The following AR variants were observed in gnomAD, a reference collection of about 807,000 sequenced individuals.
The protein encoded by AR is androgen receptor, also known as dihydrotestosterone receptor.
Under a neutral mutation model 53.9 loss-of-function variants are expected in AR, and 8 were observed. The observed-to-expected ratio is 0.15, with a 90% confidence interval of 0.09 to 0.27. The LOEUF (loss-of-function observed/expected upper bound fraction) is 0.27, where lower values mean the gene tolerates loss of function less well. AR is among the 10% of genes least tolerant of loss of function. The pLI is 1.00. For synonymous variants in AR, 359 were observed against 316.4 expected, an observed-to-expected ratio of 1.13 and a Z score of -1.43; for missense variants, 639 against 742.5, an observed-to-expected ratio of 0.86 and a Z score of 1.62.
intron 2 of AR, among the ~76,000 whole-genome samples, chrX:67,665,107 C>A (rs969538386): frequency 8.9e-6 from 1 of 112,848 alleles, no homozygotes; most frequent in African/African-American, 3.2e-5. Flanking sequence ...ATGCTCGGTG[C>A]GCTGCACCCA....
At chrX:67,679,213 A>G (rs1261884031) in intron 2 of AR, among the ~76,000 whole-genome samples, 2 of 111,347 alleles carry the variant, frequency 1.8e-5, no homozygotes, top group African/African-American at 6.5e-5. Flanking sequence ...TAAGGCCTTA[A>G]GTATTAAAGT....
Position 67,600,499 on chromosome X carries a change from T to G in AR, c.1617-42757T>G, listed in dbSNP as rs1049798796. Among the ~76,000 whole-genome samples, 3 of 110,367 alleles carry G rather than the reference T, an allele frequency of 2.7e-5. No homozygotes were observed. In the Admixed American group the frequency reaches 2.9e-4, roughly 11 times the overall value. On this transcript the variant is annotated intron_variant, in intron 1 of 7. Coordinates refer to ENST00000374690, the MANE Select transcript of AR (RefSeq NM_000044.6). ...TGTGGAATCTAAAAATCAAAACAAT[T>G]GAACTAATGGATATAGAAAGTAGAA... is the stretch of plus-strand genomic sequence containing the variant.
chrX:67,558,136 G>A (rs899789875), intron 1 of AR, among the ~76,000 whole-genome samples: 2 of 112,100 alleles, frequency 1.8e-5, no homozygotes, highest in Admixed American at 1.9e-4. Context: ...TAGTGCCTGA[G>A]CCTAGTCAGA....
rs2147540765 is a variant in AR at position 67,723,809 on chromosome X, A to G, written c.2731A>G (p.Lys911Glu). 1 of 1,210,693 alleles carries G rather than the reference A, an allele frequency of 8.3e-7. No individual in the cohort carries two copies. Among genetic ancestry groups the G allele is most frequent in the Non-Finnish European group, 1.1e-6 (1 of 895,340 alleles). The change falls in exon 8 of 8, where the codon AAA becomes GAA. Residue 911 changes from lysine (K) to glutamate (E), a missense_variant. Lys to Glu is a moderately conservative substitution (Grantham distance 56). Around this residue, in one of 5 missense-constraint regions of AR, gnomAD observed 95 missense variants for 196.4 expected, o/e 0.48. Transcript: ENST00000374690. ...GCAAGTGCCCAAGATCCTTTCTGGG[A>G]AAGTCAAGCCCATCTATTTCCACAC... Reference protein sequence around the residue: ...SVQVPKILSGKVKPIYFHTQ With the variant: ...SVQVPKILSGEVKPIYFHTQ
intron 2 of AR, among the ~76,000 whole-genome samples, chrX:67,660,064 T>C (rs1926804528): frequency 1.8e-5 from 2 of 112,218 alleles, no homozygotes; most frequent in Admixed American, 1.9e-4. Context: ...TAGGGTTGTT[T>C]GTTTTTTTCT....
chrX:67,625,687 A>G (rs1453754468), intron 1 of AR, among the ~76,000 whole-genome samples: 1 of 111,792 alleles, frequency 8.9e-6, no homozygotes, highest in Non-Finnish European at 1.9e-5. Flanking sequence ...TGTACTGGAA[A>G]AATTGGATAT....
chrX:67,558,167 G>A (rs1236821914), intron 1 of AR, among the ~76,000 whole-genome samples: 2 of 111,905 alleles, frequency 1.8e-5, no homozygotes, highest in Non-Finnish European at 3.8e-5. Context: ...AGGGTTAGTC[G>A]TATGTTGTTT....
intron 2 of AR, among the ~76,000 whole-genome samples, chrX:67,673,062 T>C (rs2075876012): frequency 9.2e-6 from 1 of 108,279 alleles, no homozygotes; most frequent in Non-Finnish European, 1.9e-5. Flanking sequence ...TTTTTTTTCT[T>C]CAGCCCTTCA....
chrX:67,620,636 T>C (rs1924328158), intron 1 of AR, among the ~76,000 whole-genome samples: 1 of 111,545 alleles, frequency 9.0e-6, no homozygotes, highest in Admixed American at 9.6e-5. Context: ...TGATCAATAA[T>C]AGTGAGATTC....
In AR at chrX:67,546,318, A is replaced by G. The variant is rs1929736617; in HGVS notation, c.1172A>G (p.Asn391Ser). ...CCCCACGCTCGCATCAAGCTGGAGA[A>G]CCCGCTGGACTACGGCAGCGCCTGG... Reference protein sequence around the residue: ...PHPHARIKLENPLDYGSAWAA... With the variant: ...PHPHARIKLESPLDYGSAWAA... Residue 391 changes from asparagine (N) to serine (S), a missense_variant, in exon 1 of 8, where the codon AAC (asparagine) becomes AGC (serine). Physicochemically the swap from Asn to Ser is conservative, Grantham distance 46. Coordinates refer to ENST00000374690, the MANE Select transcript of AR (RefSeq NM_000044.6). 8.3e-7 allele frequency: 1 copy of G among 1,197,840 alleles called. No individual in the cohort carries two copies. The highest frequency in any genetic ancestry group is 1.7e-5 in the African/African-American group (1 of 57,571).
intron 3 of AR, among the ~76,000 whole-genome samples, chrX:67,703,534 G>A (rs2076051572): frequency 1.8e-5 from 2 of 111,600 alleles, no homozygotes; most frequent in African/African-American, 3.3e-5. Flanking sequence ...GATGGCAGAG[G>A]CAGAAAGATT....
intron 1 of AR, among the ~76,000 whole-genome samples, chrX:67,570,536 A>G (rs921165321): frequency 9.0e-6 from 1 of 111,687 alleles, no homozygotes; most frequent in African/African-American, 3.3e-5. Context: ...TGGTTAGATG[A>G]TAAATCTTTT....
Position 67,544,777 on chromosome X carries a change from G to C in AR, c.-370G>C. On this transcript the variant is annotated 5_prime_UTR_variant, in exon 1 of 8. Transcript: ENST00000374690. ...CAAAAACAAAAAAGCCGAAATAAAA[G>C]AAAAAGATAATAACTCAGTTCTTAT... 1 of 192,871 alleles carries C rather than the reference G, an allele frequency of 5.2e-6. No individual in the cohort carries two copies. The highest frequency in any genetic ancestry group is 9.6e-6 in the Non-Finnish European group (1 of 103,868). The allele number at this position is 192,871 out of a possible 1,213,427, so 15.9% of individuals were successfully genotyped here.
intron 1 of AR, among the ~76,000 whole-genome samples, chrX:67,610,867 G>T (rs1923850266): frequency 1.8e-5 from 2 of 111,400 alleles, no homozygotes; most frequent in African/African-American, 6.5e-5. Flanking sequence ...TCTGGAGCCA[G>T]ACTACTTTGG....
At chrX:67,705,702 G>C (rs1384198680) in intron 3 of AR, among the ~76,000 whole-genome samples, 1 of 111,696 alleles carries the variant, frequency 9.0e-6, no homozygotes, top group Non-Finnish European at 1.9e-5. Flanking sequence ...AATGGTGAGA[G>C]AGGGCATCCC....
intron 2 of AR, among the ~76,000 whole-genome samples, chrX:67,653,607 C>G (rs1050054069): frequency 9.0e-6 from 1 of 111,512 alleles, no homozygotes; most frequent in East Asian, 2.8e-4. Context: ...TGGGGAATCT[C>G]ATCAGATGCA....
At chrX:67,589,275 A>G (rs965174412) in intron 1 of AR, among the ~76,000 whole-genome samples, 1 of 111,419 alleles carries the variant, frequency 9.0e-6, no homozygotes, top group Non-Finnish European at 1.9e-5. Context: ...GTCTCAAAAA[A>G]AAAAAAAAAA....
chrX:67,670,032 T>A (rs999531922), intron 2 of AR, among the ~76,000 whole-genome samples: 11 of 98,593 alleles, frequency 1.1e-4, no homozygotes, highest in Non-Finnish European at 2.0e-4. Context: ...TATTATTTTT[T>A]AAAAAATTTC....
At chrX:67,689,904 A>T (rs1293730449) in intron 3 of AR, 1 of 186,024 alleles carries the variant, frequency 5.4e-6, no homozygotes, top group South Asian at 2.5e-4. Flanking sequence ...TGTTTCCAAG[A>T]TGGAATGAGA....
Sources: allele counts gnomAD v4.1 joint callset (sites outside exome capture counted in the v4.1 genomes callset), GRCh38; gene constraint gnomAD v4.1.1; regional missense constraint gnomAD v4.1.1; transcripts MANE v1.5; gene names NCBI Gene and HGNC (gene_info 2026-07-23, HGNC 2026-07-21).